The following EEFSEC variants were observed in gnomAD, a reference collection of about 807,000 sequenced individuals.
EEFSEC encodes the protein eukaryotic elongation factor, selenocysteine-tRNA specific.
In EEFSEC, 43 loss-of-function variants were observed where a neutral mutation model predicts 42.1. The ratio of observed to expected loss-of-function variants is 1.02; its 90% CI spans 0.80 to 1.32. The LOEUF (loss-of-function observed/expected upper bound fraction) is 1.32. EEFSEC is among the 40% of genes most tolerant of loss of function. The probability of loss-of-function intolerance (pLI) is 0.00; values close to 1 mark genes in which losing one functional copy is unlikely to be tolerated. For missense variants in EEFSEC, 745 were observed against 803.6 expected, an observed-to-expected ratio of 0.93 and a Z score of 0.88; for synonymous variants, 354 against 339.1, an observed-to-expected ratio of 1.04 and a Z score of -0.48.
chr3:128,277,954 G>A (rs145799761), intron 4 of EEFSEC, among the ~76,000 whole-genome samples: 189 of 152,356 alleles, frequency 1.2e-3, no homozygotes, highest in African/African-American at 4.3e-3. Flanking sequence ...AGAGCCTAAT[G>A]TGTTTGAAAA....
chr3:128,416,535 T>C, the EEFSEC span, among the ~76,000 whole-genome samples: 2 of 152,092 alleles, frequency 1.3e-5, no homozygotes, highest in Non-Finnish European at 2.9e-5. Flanking sequence ...AGCTTGTCCC[T>C]GAAAGAATGA....
intron 1 of EEFSEC, among the ~76,000 whole-genome samples, chr3:128,223,039 C>G (rs1335691990): frequency 6.6e-6 from 1 of 152,190 alleles, no homozygotes; most frequent in Non-Finnish European, 1.5e-5. Flanking sequence ...AGGCTGACCT[C>G]CTGACCTCTG....
chr3:128,310,630 A>G (rs990085649), intron 4 of EEFSEC, among the ~76,000 whole-genome samples: 1 of 152,250 alleles, frequency 6.6e-6, no homozygotes, highest in Non-Finnish European at 1.5e-5. Context: ...TCATGACCCA[A>G]TGCACATGCA....
intron 6 of EEFSEC, among the ~76,000 whole-genome samples, chr3:128,385,177 C>T (rs979166815): frequency 1.3e-5 from 2 of 152,200 alleles, no homozygotes; most frequent in African/African-American, 4.8e-5. Context: ...GTCTGGACAC[C>T]TCCAGGCTCT....
intron 1 of EEFSEC, among the ~76,000 whole-genome samples, chr3:128,189,786 C>T (rs545977243): frequency 8.9e-4 from 135 of 152,142 alleles, no homozygotes; most frequent in Admixed American, 1.9e-3. Context: ...TCTCGAACTT[C>T]TGGGCTCAAG....
chr3:128,239,354 C>T (rs959876781), intron 1 of EEFSEC, among the ~76,000 whole-genome samples: 1 of 152,228 alleles, frequency 6.6e-6, no homozygotes, highest in Non-Finnish European at 1.5e-5. Flanking sequence ...CTTGCAGCAG[C>T]TTGCATTTAG....
chr3:128,184,197 G>A (rs186199817), intron 1 of EEFSEC, among the ~76,000 whole-genome samples: 2 of 152,218 alleles, frequency 1.3e-5, no homozygotes, highest in Admixed American at 1.3e-4. Flanking sequence ...CATAATATAA[G>A]ATTTACCTTT....
At position 128,367,627 on chromosome 3, in the gene EEFSEC, C is replaced by G. The variant is rs1042665313; in HGVS notation, c.1600+9254C>G. 3 of 985,198 alleles carry G rather than the reference C, an allele frequency of 3.0e-6. No individual in the cohort carries two copies. In the African/African-American group the frequency reaches 5.2e-5, roughly 17 times the overall value. 61.0% of individuals were successfully genotyped at this position (985,198 alleles called of 1,614,324 possible). A position where few individuals can be genotyped will look rare whatever the true frequency, so the allele number is the denominator to read the frequency against. On this transcript the variant is annotated intron_variant, in intron 6 of 6. Transcript: ENST00000254730. ...GCCGTGAGACTGCAACATTGCTGCACCCCTACTTAGGCTGCCGATTATGGA... is the reference window on the plus strand; with the variant it reads ...GCCGTGAGACTGCAACATTGCTGCAGCCCTACTTAGGCTGCCGATTATGGA...
intron 1 of EEFSEC, among the ~76,000 whole-genome samples, chr3:128,182,667 A>G (rs2065420945): frequency 6.6e-6 from 1 of 152,008 alleles, no homozygotes; most frequent in African/African-American, 2.4e-5. Context: ...TCTGTCTTTT[A>G]TGGTTGTGTG....
intron 6 of EEFSEC, among the ~76,000 whole-genome samples, chr3:128,407,424 C>G (rs1263234897): frequency 6.6e-6 from 1 of 152,156 alleles, no homozygotes; most frequent in Non-Finnish European, 1.5e-5. Flanking sequence ...GCAAACTGAG[C>G]CGAGGGGGCA....
At chr3:128,270,346 G>A (rs1173277600) in intron 4 of EEFSEC, among the ~76,000 whole-genome samples, 1 of 150,784 alleles carries the variant, frequency 6.6e-6, no homozygotes, top group African/African-American at 2.5e-5. Flanking sequence ...ATGCTTTGCG[G>A]ACCCCACTAT....
intron 1 of EEFSEC, among the ~76,000 whole-genome samples, chr3:128,231,750 G>A (rs1248734007): frequency 2.0e-5 from 3 of 152,124 alleles, no homozygotes; most frequent in Admixed American, 6.5e-5. Context: ...AGGGCCTGTT[G>A]TTCCTGGTTG....
At chr3:128,374,629 A>G (rs1222132238) in intron 6 of EEFSEC, among the ~76,000 whole-genome samples, 2 of 152,162 alleles carry the variant, frequency 1.3e-5, no homozygotes, top group African/African-American at 4.8e-5. Flanking sequence ...TTTCACTGAG[A>G]CGTGATTTTC....
At chr3:128,382,802 C>T (rs929485135) in intron 6 of EEFSEC, among the ~76,000 whole-genome samples, 3 of 151,144 alleles carry the variant, frequency 2.0e-5, no homozygotes, top group South Asian at 2.1e-4. Flanking sequence ...AGGATGAGCC[C>T]GAAAAAAAAA....
intron 1 of EEFSEC, among the ~76,000 whole-genome samples, chr3:128,236,334 G>A (rs2066010321): frequency 6.6e-6 from 1 of 152,152 alleles, no homozygotes; most frequent in African/African-American, 2.4e-5. Flanking sequence ...GGGTTCTGGA[G>A]CCACATAGCC....
At chr3:128,316,635 G>A (rs1287597964) in intron 4 of EEFSEC, among the ~76,000 whole-genome samples, 3 of 152,310 alleles carry the variant, frequency 2.0e-5, no homozygotes, top group South Asian at 2.1e-4. Flanking sequence ...AAGATCTGGC[G>A]ACCAAGGGCA....
rs571778606 is a variant in EEFSEC at position 128,272,750 on chromosome 3, G to A, written c.786+7969G>A. 9.8e-5 allele frequency among the ~76,000 whole-genome samples: 15 copies of A among 152,324 alleles called. 1 individual carries two copies. Among genetic ancestry groups the A allele is most frequent in the African/African-American group, 3.4e-4 (14 of 41,582 alleles). ...GAGCTCATCCCTGTGGATGAGTACA[G>A]TGCTCTAATTGGGCTGGCTGGGTTA... On this transcript the variant is annotated intron_variant, in intron 4 of 6. Coordinates refer to ENST00000254730, the MANE Select transcript of EEFSEC (RefSeq NM_021937.5).
At chr3:128,280,201 G>A (rs1430023449) in intron 4 of EEFSEC, among the ~76,000 whole-genome samples, 2 of 152,240 alleles carry the variant, frequency 1.3e-5, no homozygotes, top group East Asian at 3.8e-4. Context: ...GAAGGAGACA[G>A]CAAACTGAGA....
rs571342571 is a variant in EEFSEC, at chr3:128,245,198, T to C, written c.317-1638T>C. Among the ~76,000 whole-genome samples, 5 of 152,290 alleles carry C rather than the reference T, an allele frequency of 3.3e-5. No individual in the cohort carries two copies. In the East Asian group the frequency reaches 9.6e-4, roughly 29 times the overall value. On this transcript the variant is annotated intron_variant, in intron 1 of 6. Transcript: ENST00000254730. The stretch of plus-strand genomic sequence containing the variant: ...GCCACATCTGAGCTGCAGCAGCCCA[T>C]TAGGGACTAGCCAACATGAGCCTGC...
Sources: gnomAD v4.1 joint callset for allele counts (sites outside exome capture counted in the v4.1 genomes callset) on GRCh38, gnomAD v4.1.1 for gene constraint, MANE v1.5 for transcripts, NCBI Gene and HGNC (gene_info 2026-07-23, HGNC 2026-07-21) for gene names.